The following SPP2 variants were observed in gnomAD, a reference collection of about 807,000 sequenced individuals.
SPP2 encodes the protein secreted phosphoprotein 24.
SPP2 carries 34 observed loss-of-function variants against 28.8 expected under a neutral mutation model. The ratio of observed to expected loss-of-function variants is 1.18; its 90% CI spans 0.90 to 1.57. The LOEUF (loss-of-function observed/expected upper bound fraction) is 1.57. SPP2 is among the 40% of genes most tolerant of loss of function. The pLI is 0.00. For synonymous variants in SPP2, 96 were observed against 89.4 expected, an observed-to-expected ratio of 1.07 and a Z score of -0.42; for missense variants, 269 against 263.9, an observed-to-expected ratio of 1.02 and a Z score of -0.13.
intron 2 of SPP2, among the ~76,000 whole-genome samples, chr2:234,054,580 A>G (rs1340081058): frequency 6.6e-6 from 1 of 152,182 alleles, no homozygotes; most frequent in Non-Finnish European, 1.5e-5. Flanking sequence ...CACATGGCAG[A>G]AAGAGAGCTA....
At chr2:234,054,655 C>T (rs943781844) in intron 2 of SPP2, among the ~76,000 whole-genome samples, 2 of 152,164 alleles carry the variant, frequency 1.3e-5, no homozygotes, top group Non-Finnish European at 2.9e-5. Flanking sequence ...ACCTTGAAGA[C>T]CTAATAACCT....
At chr2:234,061,927 C>A (rs1256528017) in intron 4 of SPP2, among the ~76,000 whole-genome samples, 2 of 152,252 alleles carry the variant, frequency 1.3e-5, no homozygotes, top group South Asian at 4.2e-4. Flanking sequence ...AGGGCTGGGG[C>A]GAGTACCATG....
intron 3 of SPP2, among the ~76,000 whole-genome samples, chr2:234,059,463 C>T (rs1248877141): frequency 6.6e-6 from 1 of 152,104 alleles, no homozygotes; most frequent in Non-Finnish European, 1.5e-5. Flanking sequence ...TAAGCAGGAC[C>T]ATGAAAACCT....
At chr2:234,061,907 T>C (rs1693726754) in intron 4 of SPP2, among the ~76,000 whole-genome samples, 1 of 152,204 alleles carries the variant, frequency 6.6e-6, no homozygotes. Context: ...TTGAAGAATC[T>C]TCTTTTCTCA....
intron 6 of SPP2, among the ~76,000 whole-genome samples, chr2:234,068,152 C>T (rs1693865009): frequency 1.3e-5 from 2 of 152,144 alleles, no homozygotes; most frequent in African/African-American, 4.8e-5. Flanking sequence ...ACGTGTGTTA[C>T]CTGCTTATAT....
chr2:234,073,349 GAGGGA>G (rs1460059655), intron 7 of SPP2, among the ~76,000 whole-genome samples: 1 of 152,206 alleles, frequency 6.6e-6, no homozygotes, highest in Non-Finnish European at 1.5e-5. Flanking sequence ...ATCAGATTGG[GAGGGA>G]AGAATGAATG....
At chr2:234,051,361 G>C (rs749658345) in intron 2 of SPP2, among the ~76,000 whole-genome samples, 6 of 152,076 alleles carry the variant, frequency 3.9e-5, no homozygotes, top group Non-Finnish European at 8.8e-5. Context: ...GCCTGCTTTT[G>C]TACTTGAAGT....
chr2:234,057,386 C>T (rs1245464842), intron 2 of SPP2, among the ~76,000 whole-genome samples: 2 of 152,242 alleles, frequency 1.3e-5, no homozygotes, highest in African/African-American at 2.4e-5. Flanking sequence ...ATTGGCTCTG[C>T]TTTCTATTCA....
chr2:234,075,576 T>C (rs1559181211), intron 7 of SPP2, among the ~76,000 whole-genome samples: 1 of 152,164 alleles, frequency 6.6e-6, no homozygotes, highest in Non-Finnish European at 1.5e-5. Context: ...GACTTCTTAC[T>C]CTTCACAGAC....
At position 234,065,096 on chromosome 2, in the gene SPP2, G is replaced by A. The variant is rs781308588; in HGVS notation, c.445-1437G>A. ...TATAGTAACTCTATGTTTAATGACC[G>A]TATAGTGACTTTATGTTTAACTTTT... On this transcript the variant is annotated intron_variant, in intron 4 of 7. Transcript: ENST00000168148. Among the ~76,000 whole-genome samples the A allele has an allele frequency of 2.6e-5, 4 of 152,206 alleles. 1 individual carries two copies. The South Asian group carries it at 6.2e-4, about 24-fold the overall frequency.
rs145529777 is a variant in SPP2, at chr2:234,050,812, C to T, written c.26C>T (p.Thr9Met). 57 of 1,613,818 alleles carry T rather than the reference C, an allele frequency of 3.5e-5. No individual in the cohort carries two copies. Among genetic ancestry groups the T allele is most frequent in the Middle Eastern group, 1.6e-4 (1 of 6,080 alleles). Residue 9 changes from threonine (T) to methionine (M), a missense_variant, in exon 1 of 8, where the codon ACG (threonine) becomes ATG (methionine). By Grantham distance (81) the Thr-to-Met change is moderately conservative. Coordinates refer to ENST00000168148, the MANE Select transcript of SPP2 (RefSeq NM_006944.3). ...ATGATTTCCAGAATGGAGAAGATGA[C>T]GATGATGATGAAGATATTGATTATG... MISRMEKM[T>M]MMMKILIMFA... is the part of the protein sequence containing the mutation.
chr2:234,051,906 T>G (rs888773523), intron 2 of SPP2, among the ~76,000 whole-genome samples: 1 of 152,192 alleles, frequency 6.6e-6, no homozygotes, highest in Non-Finnish European at 1.5e-5. Context: ...TCTCTCTGTC[T>G]GCCTGCTGCC....
intron 2 of SPP2, among the ~76,000 whole-genome samples, chr2:234,055,368 G>A (rs917143136): frequency 1.3e-5 from 2 of 152,150 alleles, no homozygotes; most frequent in African/African-American, 4.8e-5. Context: ...TAACTGATTC[G>A]ATGAAGCCCA....
intron 2 of SPP2, among the ~76,000 whole-genome samples, chr2:234,055,603 C>T (rs968177981): frequency 1.3e-5 from 2 of 151,590 alleles, no homozygotes; most frequent in African/African-American, 4.8e-5. Flanking sequence ...AAAATAAAAA[C>T]CAAAATGTAA....
rs936373729 is a variant in SPP2, at chr2:234,077,093, G to C, written c.*259G>C. ...TTGTGAATTCTGTGATTTTTCTTCT[G>C]ATCAGTTTCAATCTGTAATAAATGC... On this transcript the variant is annotated 3_prime_UTR_variant, in exon 8 of 8. Coordinates refer to ENST00000168148, the MANE Select transcript of SPP2 (RefSeq NM_006944.3). 1 of 152,142 alleles carries C rather than the reference G, an allele frequency of 6.6e-6. No individual in the cohort carries two copies. The highest frequency in any genetic ancestry group is 2.4e-5 in the African/African-American group (1 of 41,426). The allele number at this position is 152,142 out of a possible 1,614,324, so 9.4% of individuals were successfully genotyped here.
rs1401270295 is a variant in SPP2 at position 234,050,852 on chromosome 2, G to GA, written c.68dup (p.Asn23LysfsTer50). On this transcript the variant is annotated frameshift_variant, in exon 1 of 8. Transcript: ENST00000168148. LOFTEE classifies it high-confidence loss of function. ...TATTGATTATGTTTGCTCTTGGAAT[G>GA]AACTACTGGTCTTGCTCAGGTAAGG... 1 of 1,613,904 alleles carries GA rather than the reference G, an allele frequency of 6.2e-7. No homozygotes were observed. Among genetic ancestry groups the GA allele is most frequent in the Non-Finnish European group, 8.5e-7 (1 of 1,179,934 alleles).
chr2:234,072,462 T>C (rs564803796), intron 7 of SPP2, among the ~76,000 whole-genome samples: 1 of 152,230 alleles, frequency 6.6e-6, no homozygotes, highest in Non-Finnish European at 1.5e-5. Flanking sequence ...GGATTGGCTG[T>C]ATTTTGTTTA....
chr2:234,059,637 T>G (rs1693678897), intron 3 of SPP2, among the ~76,000 whole-genome samples: 1 of 152,136 alleles, frequency 6.6e-6, no homozygotes, highest in Non-Finnish European at 1.5e-5. Context: ...CCTGTGCCAT[T>G]ACCTCCCAGA....
intron 4 of SPP2, among the ~76,000 whole-genome samples, chr2:234,065,559 A>C (rs770616000): frequency 2.0e-5 from 3 of 152,232 alleles, no homozygotes; most frequent in Non-Finnish European, 4.4e-5. Flanking sequence ...GATTACAGGC[A>C]TGAACCACTG....
Sources: gnomAD v4.1 joint callset for allele counts (sites outside exome capture counted in the v4.1 genomes callset) on GRCh38, gnomAD v4.1.1 for gene constraint, MANE v1.5 for transcripts, NCBI Gene and HGNC (gene_info 2026-07-23, HGNC 2026-07-21) for gene names.